Variants in TCF4 observed in about 807,000 individuals in gnomAD.
TCF4 encodes the protein transcription factor 4, also known as SL3-3 enhancer factor 2.
TCF4 carries 3 observed loss-of-function variants against 82.1 expected under a neutral mutation model. The ratio of observed to expected loss-of-function variants is 0.04; its 90% CI spans 0.02 to 0.09. The LOEUF is 0.09. Among genes scored for constraint, TCF4 ranks in the 10% least tolerant of loss-of-function variants. TCF4 has a pLI of 1.00. For synonymous variants in TCF4, 276 were observed against 309.6 expected (o/e 0.89, Z 1.14); for missense variants, 518 against 852.7 (o/e 0.61, Z 4.89).
intron 6 of TCF4, among the ~76,000 whole-genome samples, chr18:55,395,932 T>G (rs1001551234): frequency 6.6e-6 from 1 of 152,016 alleles, no homozygotes; most frequent in East Asian, 1.9e-4. Flanking sequence ...TAATCTTTTT[T>G]TCCCCCCCTT....
At chr18:55,487,771 A>C (rs9960767) in intron 3 of TCF4, among the ~76,000 whole-genome samples, 16,493 of 152,092 alleles carry the variant, frequency 0.11, 1,321 homozygotes, top group South Asian at 0.23. Flanking sequence ...ATGAGATGAA[A>C]TTCACAAATT....
chr18:55,272,081 C>T (rs1342843919), intron 10 of TCF4, among the ~76,000 whole-genome samples: 1 of 151,910 alleles, frequency 6.6e-6, no homozygotes, highest in African/African-American at 2.4e-5. Flanking sequence ...AATCTTTGGG[C>T]CCTTTTAACT....
chr18:55,271,490 G>A (rs2060366750), intron 10 of TCF4, among the ~76,000 whole-genome samples: 1 of 152,086 alleles, frequency 6.6e-6, no homozygotes, highest in African/African-American at 2.4e-5. Flanking sequence ...CTACGTATTA[G>A]AGGTAGGATT....
intron 5 of TCF4, among the ~76,000 whole-genome samples, chr18:55,438,195 C>A (rs1448794224): frequency 7.1e-6 from 1 of 140,118 alleles, no homozygotes; most frequent in Non-Finnish European, 1.5e-5. Context: ...AGTGAGACTT[C>A]GTCTCAAAAA....
intron 2 of TCF4, among the ~76,000 whole-genome samples, chr18:55,611,280 C>T (rs560034992): frequency 7.9e-5 from 12 of 152,280 alleles, no homozygotes; most frequent in African/African-American, 2.9e-4. Context: ...TCAAAATATG[C>T]TTGTACCCTA....
chr18:55,577,815 G>A (rs978013165), intron 3 of TCF4, among the ~76,000 whole-genome samples: 1 of 152,088 alleles, frequency 6.6e-6, no homozygotes, highest in African/African-American at 2.4e-5. Context: ...CACCTTCTCT[G>A]TTTTTATTGA....
chr18:55,244,981 C>G (rs1050932534), intron 15 of TCF4, among the ~76,000 whole-genome samples: 1 of 152,182 alleles, frequency 6.6e-6, no homozygotes, highest in Admixed American at 6.5e-5. Flanking sequence ...CAATGCTTCC[C>G]TAAAGATGTC....
chr18:55,503,596 C>T (rs897696852), intron 3 of TCF4, among the ~76,000 whole-genome samples: 1 of 152,226 alleles, frequency 6.6e-6, no homozygotes, highest in South Asian at 2.1e-4. Flanking sequence ...AACTCTGACT[C>T]ATAACTTCCA....
intron 8 of TCF4, among the ~76,000 whole-genome samples, chr18:55,280,537 T>C (rs1366657978): frequency 6.6e-6 from 1 of 152,178 alleles, no homozygotes; most frequent in African/African-American, 2.4e-5. Context: ...TTCTGCTAAA[T>C]ATAATTTTTT....
At chr18:55,279,524 T>C (rs757617936) in intron 9 of TCF4, 27 bp downstream of exon 9, 22 of 1,613,436 alleles carry the variant, frequency 1.4e-5, no homozygotes, top group Non-Finnish European at 1.8e-5. Flanking sequence ...TCCAGTGGCC[T>C]TTCCCTCAGA....
chr18:55,352,137 C>T (rs1224815850), intron 6 of TCF4: 1 of 158,572 alleles, frequency 6.3e-6, no homozygotes. Flanking sequence ...GACTCTGCCC[C>T]TGTTCCCTGG....
At chr18:55,487,407 G>A (rs1359514392) in intron 3 of TCF4, among the ~76,000 whole-genome samples, 2 of 152,144 alleles carry the variant, frequency 1.3e-5, no homozygotes, top group East Asian at 1.9e-4. Flanking sequence ...CAGGAACTCT[G>A]GGCACCTATG....
At chr18:55,627,147 TG>T (rs1170963060) in intron 2 of TCF4, among the ~76,000 whole-genome samples, 2 of 152,196 alleles carry the variant, frequency 1.3e-5, no homozygotes, top group Non-Finnish European at 2.9e-5. Flanking sequence ...GGTTCTAATT[TG>T]GTAACTCCAA....
At chr18:55,275,276 A>G (rs78648685) in intron 10 of TCF4, among the ~76,000 whole-genome samples, 63 of 58,748 alleles carry the variant, frequency 1.1e-3, no homozygotes, top group South Asian at 2.9e-3. Flanking sequence ...CTACAGATAG[A>G]AAAAAAAAAA....
chr18:55,368,719 T>C (rs2087998776), intron 6 of TCF4, among the ~76,000 whole-genome samples: 1 of 151,894 alleles, frequency 6.6e-6, no homozygotes, highest in Non-Finnish European at 1.5e-5. Context: ...TACAGGAAAA[T>C]GGACCCAGTT....
intron 8 of TCF4, among the ~76,000 whole-genome samples, chr18:55,285,365 T>C: frequency 6.6e-6 from 1 of 152,292 alleles, no homozygotes; most frequent in Non-Finnish European, 1.5e-5. Context: ...AGGGATAATA[T>C]ATGTCAAACA....
At chr18:55,373,964 CAATA>C (rs1431064916) in intron 6 of TCF4, among the ~76,000 whole-genome samples, 1 of 151,362 alleles carries the variant, frequency 6.6e-6, no homozygotes, top group Non-Finnish European at 1.5e-5. Flanking sequence ...ACTCAGAATG[CAATA>C]AAATTAAATA....
At chr18:55,319,727 C>T (rs904318952) in intron 8 of TCF4, among the ~76,000 whole-genome samples, 8 of 151,342 alleles carry the variant, frequency 5.3e-5, no homozygotes, top group South Asian at 2.1e-4. Context: ...ACTGAGAGGG[C>T]ATATTAGTGA....
At chr18:55,573,982 T>A (rs2097502595) in intron 3 of TCF4, among the ~76,000 whole-genome samples, 1 of 152,146 alleles carries the variant, frequency 6.6e-6, no homozygotes, top group Non-Finnish European at 1.5e-5. Context: ...AGTGTGGGGA[T>A]AAAAAAGATA....
Sources: allele counts gnomAD v4.1 joint callset (sites outside exome capture counted in the v4.1 genomes callset), GRCh38; gene constraint gnomAD v4.1.1; transcripts MANE v1.5; gene names NCBI Gene and HGNC (gene_info 2026-07-23, HGNC 2026-07-21).